LTBP1: variants seen among roughly 807,000 people sequenced by gnomAD.
The protein encoded by LTBP1 is latent-transforming growth factor beta-binding protein 1.
Under a neutral mutation model 207.6 loss-of-function variants are expected in LTBP1, and 129 were observed. The observed-to-expected ratio is 0.62, with a 90% CI of 0.54 to 0.72. The LOEUF (loss-of-function observed/expected upper bound fraction) is 0.72. Ranked by LOEUF, LTBP1 falls within the 30% of genes least tolerant of loss-of-function variation. The pLI, the probability that LTBP1 is intolerant of heterozygous loss-of-function variation, is 0.00. For synonymous variants in LTBP1, 963 were observed against 833.7 expected (o/e 1.16, Z -2.67); for missense variants, 2,281 against 2,217.2 (o/e 1.03, Z -0.58).
chr2:33,150,411 T>C (rs2083415152), intron 5 of LTBP1, among the ~76,000 whole-genome samples: 1 of 152,164 alleles, frequency 6.6e-6, no homozygotes. Context: ...TTGTAAAATA[T>C]ACATAACACA....
At chr2:33,273,940 T>C (rs909442516) in intron 16 of LTBP1, among the ~76,000 whole-genome samples, 159 bp downstream of exon 16, 2 of 152,238 alleles carry the variant, frequency 1.3e-5, no homozygotes, top group African/African-American at 4.8e-5. Flanking sequence ...AAAGGTTTGC[T>C]AAACAACTGG....
chr2:32,988,521 G>A (rs1383919249), intron 2 of LTBP1, among the ~76,000 whole-genome samples: 1 of 152,220 alleles, frequency 6.6e-6, no homozygotes, highest in Non-Finnish European at 1.5e-5. Flanking sequence ...TACCTGAGAT[G>A]ATGTATTTCA....
intron 2 of LTBP1, among the ~76,000 whole-genome samples, chr2:33,017,386 G>A (rs992550466): frequency 3.9e-5 from 6 of 152,132 alleles, no homozygotes; most frequent in Admixed American, 1.3e-4. Context: ...CATCGACGTC[G>A]CTTGGAGGGC....
intron 19 of LTBP1, among the ~76,000 whole-genome samples, chr2:33,283,083 A>AAG (rs1198670944): frequency 6.6e-5 from 10 of 151,184 alleles, no homozygotes; most frequent in African/African-American, 1.5e-4. Flanking sequence ...AAAAAAAAAA[A>AAG]AGAGAGAGTG....
intron 3 of LTBP1, among the ~76,000 whole-genome samples, chr2:33,073,725 C>G (rs2077926481): frequency 6.6e-6 from 1 of 152,092 alleles, no homozygotes; most frequent in Non-Finnish European, 1.5e-5. Flanking sequence ...CTCCCAGGTT[C>G]AAGCAATTCT....
intron 9 of LTBP1, among the ~76,000 whole-genome samples, chr2:33,236,393 T>C (rs2092051953): frequency 6.6e-6 from 1 of 152,230 alleles, no homozygotes; most frequent in African/African-American, 2.4e-5. Context: ...TGCTGCACTT[T>C]CTAGTTTAAA....
intron 9 of LTBP1, among the ~76,000 whole-genome samples, chr2:33,239,060 A>G (rs2092189937): frequency 6.6e-6 from 1 of 152,192 alleles, no homozygotes; most frequent in African/African-American, 2.4e-5. Context: ...CCAATATTTG[A>G]CCATTTTAGA....
At chr2:33,225,043 A>G (rs1365911064) in intron 9 of LTBP1, among the ~76,000 whole-genome samples, 1 of 152,152 alleles carries the variant, frequency 6.6e-6, no homozygotes, top group Non-Finnish European at 1.5e-5. Flanking sequence ...AATTTCTATC[A>G]GTCTAGATTC....
chr2:33,078,862 C>CTTTTCTTTTTTTTTTT (rs1367646259), intron 3 of LTBP1, among the ~76,000 whole-genome samples: 12 of 106,884 alleles, frequency 1.1e-4, no homozygotes, highest in Non-Finnish European at 2.0e-4. Flanking sequence ...CTTTTCTTTT[C>CTTTTCTTTTTTTTTTT]TTTTTTTTTT....
At chr2:33,115,011 G>A (rs1343775185) in intron 4 of LTBP1, among the ~76,000 whole-genome samples, 1 of 149,202 alleles carries the variant, frequency 6.7e-6, no homozygotes, top group Non-Finnish European at 1.5e-5. Context: ...TCCATCAACT[G>A]ATGAAGGGAT....
intron 2 of LTBP1, among the ~76,000 whole-genome samples, chr2:32,960,503 G>A (rs1678925205): frequency 6.6e-6 from 1 of 152,116 alleles, no homozygotes; most frequent in Non-Finnish European, 1.5e-5. Flanking sequence ...GTGTTAAGAT[G>A]ACTTTTTCTT....
At chr2:33,041,822 T>C (rs1188520089) in intron 3 of LTBP1, among the ~76,000 whole-genome samples, 1 of 152,142 alleles carries the variant, frequency 6.6e-6, no homozygotes, top group Non-Finnish European at 1.5e-5. Context: ...ATAATTATAA[T>C]GATAAAGATA....
intron 31 of LTBP1, among the ~76,000 whole-genome samples, chr2:33,366,690 G>T (rs560210133): frequency 6.6e-6 from 1 of 152,196 alleles, no homozygotes; most frequent in African/African-American, 2.4e-5. Flanking sequence ...TTTGTAAAAC[G>T]GAGGCGTCTA....
intron 12 of LTBP1, among the ~76,000 whole-genome samples, chr2:33,257,762 T>TGCTTTATCTTGGC (rs1360389602): frequency 3.3e-5 from 5 of 152,246 alleles, no homozygotes; most frequent in Non-Finnish European, 7.3e-5. Flanking sequence ...GTTTGGGGGC[T>TGCTTTATCTTGGC]GCTTTATCTT....
chr2:33,263,343 A>C lies in LTBP1; in HGVS notation c.2568A>C (p.Glu856Asp). 6.2e-7 allele frequency: 1 copy of C among 1,614,026 alleles called. No homozygotes were observed. Among genetic ancestry groups the C allele is most frequent in the Non-Finnish European group, 8.5e-7 (1 of 1,179,954 alleles). The change falls in exon 15 of 34, where the codon GAA (glutamate) becomes GAC (aspartate). Residue 856 changes from glutamate (E) to aspartate (D), a missense_variant. Around this residue, in one of 3 missense-constraint regions of LTBP1, gnomAD observed 1,671 missense variants for 1,634.8 expected, o/e 1.02. Transcript: ENST00000404816. ...SPPVPVEVAP[E>D]ASTSSASQVI... ...CTGTGCCTGTTGAAGTAGCTCCTGA[A>C]GCTTCTACGTCTAGTGCCAGCCAAG...
At chr2:33,076,512 T>C (rs1234610968) in intron 3 of LTBP1, among the ~76,000 whole-genome samples, 1 of 151,846 alleles carries the variant, frequency 6.6e-6, no homozygotes, top group Admixed American at 6.6e-5. Context: ...AGGGAGGGGG[T>C]ATCATGAATT....
chr2:33,184,798 T>TTTTA (rs1325568158), intron 5 of LTBP1, among the ~76,000 whole-genome samples: 3 of 127,108 alleles, frequency 2.4e-5, no homozygotes, highest in African/African-American at 8.6e-5. Context: ...TTTTTTTTTT[T>TTTTA]AGCATTTCTT....
rs374040592 is a variant in LTBP1 at position 32,951,788 on chromosome 2, A to G, written c.565+2843A>G. Among the ~76,000 whole-genome samples, 3 of 152,326 alleles carry G rather than the reference A, an allele frequency of 2.0e-5. No homozygotes were observed. The South Asian group carries it at 6.2e-4, about 32-fold the overall frequency. ...GATTAGTATTGGATCAAGCCAAGTAAATTCTATCTCCTTTGTCGATGATTT... is the reference window on the plus strand; with the variant it reads ...GATTAGTATTGGATCAAGCCAAGTAGATTCTATCTCCTTTGTCGATGATTT... On this transcript the variant is annotated intron_variant, in intron 2 of 33. Transcript: ENST00000404816.
chr2:33,049,405 A>G (rs2076613024), intron 3 of LTBP1, among the ~76,000 whole-genome samples: 2 of 152,150 alleles, frequency 1.3e-5, no homozygotes, highest in Non-Finnish European at 2.9e-5. Flanking sequence ...CATTTCTTCC[A>G]TTTGCATCAA....
Sources: allele counts gnomAD v4.1 joint callset (sites outside exome capture counted in the v4.1 genomes callset), GRCh38; gene constraint gnomAD v4.1.1; regional missense constraint gnomAD v4.1.1; transcripts MANE v1.5; gene names NCBI Gene and HGNC (gene_info 2026-07-23, HGNC 2026-07-21).